GPSM1: variants seen among roughly 807,000 people sequenced by gnomAD.
GPSM1 encodes the protein G protein signaling modulator 1.
Under a neutral mutation model 70.5 loss-of-function variants are expected in GPSM1, and 48 were observed. That is an observed-to-expected ratio of 0.68 (90% confidence interval 0.54 to 0.87). The LOEUF is 0.87. GPSM1 is among the 40% of genes least tolerant of loss of function. GPSM1 has a pLI of 0.00. For missense variants in GPSM1, 981 were observed against 972.6 expected (o/e 1.01, Z -0.11); for synonymous variants, 416 against 430.1 (o/e 0.97, Z 0.41).
intron 9 of GPSM1, among the ~76,000 whole-genome samples, chr9:136,345,863 G>A (rs1832511263): frequency 6.6e-6 from 1 of 152,186 alleles, no homozygotes; most frequent in South Asian, 2.1e-4. Flanking sequence ...GTGGGGGTGG[G>A]CAGCTGGTGG....
At chr9:136,356,304 G>T in intron 12 of GPSM1, 38 bp from the exon 13 acceptor site, 1 of 1,450,066 alleles carries the variant, frequency 6.9e-7, no homozygotes. Flanking sequence ...GCTTGACCCC[G>T]CACTGGGTCC....
intron 7 of GPSM1, 122 bp downstream of exon 7, chr9:136,338,832 A>T (rs1832317182): frequency 2.0e-6 from 2 of 1,011,844 alleles, no homozygotes; most frequent in African/African-American, 3.2e-5. Flanking sequence ...GTGACCCAGG[A>T]GTGGCAACGC....
At chr9:136,338,481 G>T in intron 6 of GPSM1, 74 bp from the exon 7 acceptor site, 2 of 1,422,006 alleles carry the variant, frequency 1.4e-6, no homozygotes, top group Non-Finnish European at 1.9e-6. Context: ...CGGGCAGACT[G>T]CGTCCCCATT....
At position 136,327,609 on chromosome 9, in the gene GPSM1, A is replaced by ACAGCAGGGAGGACAGCAGGGCGGG; in HGVS notation, c.-83_-60dup. ...GACGGACAGGCGGACAGCAGGGCGG[A>ACAGCAGGGAGGACAGCAGGGCGGG]CAGCAGGGAGGACAGCAGGGCGGGC... is the stretch of plus-strand genomic sequence containing the variant. On this transcript the variant is annotated 5_prime_UTR_variant, in exon 1 of 14. Transcript: ENST00000440944. 1 of 253,048 alleles carries ACAGCAGGGAGGACAGCAGGGCGGG rather than the reference A, an allele frequency of 4.0e-6. No individual in the cohort carries two copies. Among genetic ancestry groups the ACAGCAGGGAGGACAGCAGGGCGGG allele is most frequent in the Non-Finnish European group, 6.5e-6 (1 of 153,024 alleles). 15.7% of individuals were successfully genotyped at this position (253,048 alleles called of 1,614,324 possible).
At chr9:136,339,633 C>T in intron 7 of GPSM1, 74 bp from the exon 8 acceptor site, 1 of 1,056,328 alleles carries the variant, frequency 9.5e-7, no homozygotes, top group Non-Finnish European at 1.4e-6. Context: ...GGGGCCGTGA[C>T]CACCAGGGGA....
rs1832277800 is a variant in GPSM1 at position 136,337,640 on chromosome 9, C to G, written c.702+76C>G. 6.4e-6 allele frequency: 9 copies of G among 1,408,154 alleles called. No individual in the cohort carries two copies. In the South Asian group the frequency reaches 8.7e-5, roughly 14 times the overall value. The allele number at this position is 1,408,154 out of a possible 1,614,324, so 87.2% of individuals were successfully genotyped here. Reference sequence around the variant, plus strand: ...GGGCTGAGCCACCCTCTTGGCGGTCCCTGAAAGGGCAGGGTGGTATGGCCA... The same window carrying G: ...GGGCTGAGCCACCCTCTTGGCGGTCGCTGAAAGGGCAGGGTGGTATGGCCA... On this transcript the variant is annotated intron_variant, in intron 5 of 13. Transcript: ENST00000440944.
chr9:136,336,936 G>A lies in GPSM1; in HGVS notation c.442G>A (p.Ala148Thr), dbSNP rs1832253332. 1.9e-6 allele frequency: 3 copies of A among 1,556,216 alleles called. No individual in the cohort carries two copies. Among genetic ancestry groups the A allele is most frequent in the Non-Finnish European group, 2.6e-6 (3 of 1,150,692 alleles). ...EQGDKVGEAR[A>T]LYNIGNVYHA... ...CTGCCCACAGGTTGGGGAGGCGAGGGCCCTCTACAACATCGGGAACGTGTA... is the reference window on the plus strand; with the variant it reads ...CTGCCCACAGGTTGGGGAGGCGAGGACCCTCTACAACATCGGGAACGTGTA... Residue 148 changes from alanine to threonine, a missense_variant, in exon 4 of 14, where the codon GCC (alanine) becomes ACC (threonine). Coordinates refer to ENST00000440944, the MANE Select transcript of GPSM1 (RefSeq NM_001145638.3).
chr9:136,349,451 C>T (rs1327382662), intron 10 of GPSM1, 136 bp from the exon 11 acceptor site: 2 of 784,414 alleles, frequency 2.5e-6, no homozygotes, highest in Non-Finnish European at 4.0e-6. Flanking sequence ...CCCCAGTCCT[C>T]TCCTCCTCTC....
chr9:136,345,751 C>T (rs1832508782), intron 9 of GPSM1, among the ~76,000 whole-genome samples: 1 of 152,204 alleles, frequency 6.6e-6, no homozygotes, highest in Admixed American at 6.5e-5. Context: ...GAAGGGCCCG[C>T]CCCAGCACAG....
intron 9 of GPSM1, among the ~76,000 whole-genome samples, chr9:136,346,774 G>A (rs782296199): frequency 2.6e-5 from 4 of 152,232 alleles, no homozygotes; most frequent in Non-Finnish European, 5.9e-5. Context: ...GCTGAGGCTG[G>A]GGTCAGGGGG....
chr9:136,356,607 G>T (rs1212512828), intron 13 of GPSM1, 57 bp downstream of exon 13: 19 of 1,350,664 alleles, frequency 1.4e-5, no homozygotes, highest in Non-Finnish European at 1.8e-5. Context: ...CCACGTGTGT[G>T]GAGGCAACTT....
intron 5 of GPSM1, 131 bp downstream of exon 5, chr9:136,337,695 C>T: frequency 1.0e-6 from 1 of 1,002,278 alleles, no homozygotes; most frequent in South Asian, 1.5e-5. Flanking sequence ...CGAGTCCTGG[C>T]CTCATCTGCA....
Position 136,338,461 on chromosome 9 carries a change from A to AG in GPSM1, c.819-90dup, listed in dbSNP as rs1229453558. On this transcript the variant is annotated intron_variant, in intron 6 of 13. Transcript: ENST00000440944. Reference sequence around the variant, plus strand: ...AGAGGCCCCAGTGGGATTCCGGGGCAGGGGACCATCGGGCAGACTGCGTCC... The same window carrying AG: ...AGAGGCCCCAGTGGGATTCCGGGGCAGGGGGACCATCGGGCAGACTGCGTCC... 165 of 1,222,976 alleles carry AG rather than the reference A, an allele frequency of 1.3e-4. No homozygotes were observed. The Admixed American group carries it at 2.5e-3, about 18-fold the overall frequency. 75.8% of individuals were successfully genotyped at this position (1,222,976 alleles called of 1,614,324 possible). A position where few individuals can be genotyped will look rare whatever the true frequency, so the allele number is the denominator to read the frequency against.
chr9:136,351,803 A>G (rs1832669572), intron 11 of GPSM1, among the ~76,000 whole-genome samples: 1 of 152,228 alleles, frequency 6.6e-6, no homozygotes, highest in South Asian at 2.1e-4. Flanking sequence ...AGGACGTGGC[A>G]GGGCCTCTTG....
At chr9:136,351,194 A>AC (rs1213482194) in intron 11 of GPSM1, among the ~76,000 whole-genome samples, 19 of 151,934 alleles carry the variant, frequency 1.3e-4, no homozygotes, top group Admixed American at 1.2e-3. Flanking sequence ...GGCACAGCCT[A>AC]CCTTCCCCTC....
At position 136,356,437 on chromosome 9, in the gene GPSM1, G is replaced by C. The variant is rs782429418; in HGVS notation, c.1708G>C (p.Val570Leu). The part of the protein sequence containing the change: ...SRRLDDQRAS[V>L]GSLPGLRITH... ...CCGGCTGGACGACCAGCGGGCCAGC[G>C]TGGGCAGCCTGCCGGGGCTGCGAAT... The change falls in exon 13 of 14, where the codon GTG (valine) becomes CTG (leucine). Residue 570 changes from valine to leucine, a missense_variant. By Grantham distance (32) the Val-to-Leu change is conservative (BLOSUM62 1). Transcript: ENST00000440944. The C allele has an allele frequency of 8.1e-6, 13 of 1,610,874 alleles. No homozygotes were observed.
chr9:136,338,502 AC>A, intron 6 of GPSM1, 52 bp from the exon 7 acceptor site: 2 of 1,540,070 alleles, frequency 1.3e-6, no homozygotes, highest in Non-Finnish European at 1.8e-6. Flanking sequence ...CTTACCTTCC[AC>A]CCCTCACCCT....
Position 136,341,366 on chromosome 9 carries a change from A to AGGGCTGGGCT in GPSM1, c.1207+395_1207+404dup, listed in dbSNP as rs112024031. On this transcript the variant is annotated intron_variant, in intron 9 of 13. Coordinates refer to ENST00000440944, the MANE Select transcript of GPSM1 (RefSeq NM_001145638.3). This position sits in a 1 kb window ranked among gnomAD's most constrained non-coding sequence, Gnocchi z 6.7. The stretch of plus-strand genomic sequence containing the variant: ...TGGGAGGCGAGAGGGCATCAGCCAG[A>AGGGCTGGGCT]GGGCTGGGCTGGGCTGGGCTGGGCT... The AGGGCTGGGCT allele has an allele frequency of 1.6e-5, 22 of 1,409,536 alleles. No homozygotes were observed. The South Asian group carries it at 1.7e-4, about 11-fold the overall frequency. 87.3% of individuals were successfully genotyped at this position (1,409,536 alleles called of 1,614,324 possible). A position where few individuals can be genotyped will look rare whatever the true frequency, so the allele number is the denominator to read the frequency against.
chr9:136,342,478 G>A lies in GPSM1; in HGVS notation c.1207+1485G>A, dbSNP rs1441010266. On this transcript the variant is annotated intron_variant, in intron 9 of 13. Transcript: ENST00000440944. This position sits in a 1 kb window ranked among gnomAD's most constrained non-coding sequence, Gnocchi z 5.5. ...AGTGCGGGACCCCTTCCAGCCGGCC[G>A]GACGCCTCCTCCCCCAGGGCTGGGG... Among the ~76,000 whole-genome samples the A allele has an allele frequency of 6.6e-6, 1 of 152,110 alleles. No individual in the cohort carries two copies. The highest frequency in any genetic ancestry group is 2.4e-5 in the African/African-American group (1 of 41,370).
Sources: gnomAD v4.1 joint callset for allele counts (sites outside exome capture counted in the v4.1 genomes callset) on GRCh38, gnomAD v4.1.1 for gene constraint, Gnocchi (gnomAD v3.1) non-coding constraint, MANE v1.5 for transcripts, NCBI Gene and HGNC (gene_info 2026-07-23, HGNC 2026-07-21) for gene names.